The following RAB3GAP2 variants were observed in gnomAD, a reference collection of about 807,000 sequenced individuals.
The protein encoded by RAB3GAP2 is rab3 GTPase-activating protein non-catalytic subunit.
In RAB3GAP2, 87 loss-of-function variants were observed where a neutral mutation model predicts 185.3. The ratio of observed to expected loss-of-function variants is 0.47; its 90% confidence interval spans 0.39 to 0.56. The LOEUF (loss-of-function observed/expected upper bound fraction) is 0.56. RAB3GAP2 is among the 20% of genes least tolerant of loss of function. RAB3GAP2 has a pLI of 0.00. For synonymous variants in RAB3GAP2, 554 were observed against 576.1 expected (o/e 0.96, Z 0.55); for missense variants, 1,492 against 1,638.2 (o/e 0.91, Z 1.54).
chr1:220,175,363 C>T (rs560294411), intron 21 of RAB3GAP2, among the ~76,000 whole-genome samples: 1 of 151,966 alleles, frequency 6.6e-6, no homozygotes, highest in African/African-American at 2.4e-5. Context: ...GGACTACAGG[C>T]GCGAGCCACC....
At chr1:220,216,810 T>C (rs1571906081) in intron 2 of RAB3GAP2, among the ~76,000 whole-genome samples, 2 of 152,296 alleles carry the variant, frequency 1.3e-5, no homozygotes, top group East Asian at 3.9e-4. Context: ...TCTATACAAA[T>C]AGATTCCTTC....
chr1:220,178,187 C>T (rs745679088), intron 21 of RAB3GAP2, among the ~76,000 whole-genome samples: 10 of 152,048 alleles, frequency 6.6e-5, no homozygotes, highest in Admixed American at 2.0e-4. Context: ...AAATACTGTA[C>T]GTGGCAAAGT....
intron 32 of RAB3GAP2, chr1:220,153,685 T>C (rs984824792): frequency 4.7e-5 from 19 of 404,546 alleles, no homozygotes; most frequent in African/African-American, 8.1e-5. Flanking sequence ...ATGTGCCATG[T>C]TGGTGTGCTG....
At chr1:220,221,611 A>G (rs1659308500) in intron 2 of RAB3GAP2, among the ~76,000 whole-genome samples, 1 of 152,116 alleles carries the variant, frequency 6.6e-6, no homozygotes, top group South Asian at 2.1e-4. Context: ...AACTTCAAGA[A>G]TTTTTTTTGA....
At chr1:220,154,949 T>C (rs758280881) in intron 31 of RAB3GAP2, among the ~76,000 whole-genome samples, 1 of 152,160 alleles carries the variant, frequency 6.6e-6, no homozygotes, top group Admixed American at 6.5e-5. Flanking sequence ...GGTCTCAAAC[T>C]CCTGACCTCA....
intron 33 of RAB3GAP2, 60 bp downstream of exon 33, chr1:220,153,125 T>G (rs1657793116): frequency 7.7e-7 from 1 of 1,306,564 alleles, no homozygotes; most frequent in Non-Finnish European, 1.1e-6. Context: ...AACTGATTCT[T>G]TATTCCAACT....
chr1:220,272,346 G>A lies in RAB3GAP2; in HGVS notation c.-9C>T, dbSNP rs919461063. On this transcript the variant is annotated 5_prime_UTR_variant, in exon 1 of 35. Transcript: ENST00000358951. Reference sequence around the variant, plus strand: ...ACAATGGAGCAGGCCATGGCTCCAGGGAACCCCACTACGGCACTCACCTTA... The same window carrying A: ...ACAATGGAGCAGGCCATGGCTCCAGAGAACCCCACTACGGCACTCACCTTA... The A allele has an allele frequency of 6.3e-7, 1 of 1,593,602 alleles. No individual in the cohort carries two copies. The highest frequency in any genetic ancestry group is 1.1e-5 in the South Asian group (1 of 88,734).
intron 1 of RAB3GAP2, among the ~76,000 whole-genome samples, chr1:220,243,713 A>G (rs1161460147): frequency 6.6e-6 from 1 of 152,220 alleles, no homozygotes; most frequent in Non-Finnish European, 1.5e-5. Context: ...CTCTATTAGC[A>G]TAACACGTTA....
At chr1:220,200,365 T>A (rs998891841) in intron 9 of RAB3GAP2, among the ~76,000 whole-genome samples, 2 of 152,294 alleles carry the variant, frequency 1.3e-5, no homozygotes. Context: ...CACTAAGAGT[T>A]TGATATTCAT....
chr1:220,168,399 C>CT (rs746471692), intron 24 of RAB3GAP2, among the ~76,000 whole-genome samples: 1,697 of 138,996 alleles, frequency 0.012, 18 homozygotes, highest in East Asian at 0.032. Context: ...GTAAATATTC[C>CT]TTTTTTTTTT....
Position 220,171,979 on chromosome 1 carries a change from A to C in RAB3GAP2, c.2487T>G (p.Ile829Met). Residue 829 changes from isoleucine to methionine, a missense_variant, in exon 23 of 35, where the codon ATT becomes ATG. Ile to Met is a conservative substitution (Grantham distance 10, BLOSUM62 1). Transcript: ENST00000358951. The part of the protein sequence containing the change: ...PWWQQMRTAC[I>M]QSENNGAALL... ...GAGCGGCTCCATTGTTCTCAGACTG[A>C]ATACAGGCTGTGCGCATCTGCTGCC... 2 of 1,614,204 alleles carry C rather than the reference A, an allele frequency of 1.2e-6. No individual in the cohort carries two copies. Among genetic ancestry groups the C allele is most frequent in the Non-Finnish European group, 1.7e-6 (2 of 1,180,018 alleles).
Position 220,167,501 on chromosome 1 carries a change from C to G in RAB3GAP2, c.2980+1G>C, listed in dbSNP as rs1232674927. On this transcript the variant is annotated splice_donor_variant, in intron 25 of 34. Transcript: ENST00000358951. LOFTEE classifies it high-confidence loss of function. ...CATATTTCTCATTATTTGTGTATCA[C>G]CTGGTATGGCTCCTAAGTCCATCTC... 6.2e-7 allele frequency: 1 copy of G among 1,614,102 alleles called. No individual in the cohort carries two copies. The highest frequency in any genetic ancestry group is 8.5e-7 in the Non-Finnish European group (1 of 1,179,984).
rs1386541968 is a variant in RAB3GAP2, at chr1:220,272,430, T to C, written c.-93A>G. ...GGCCGCCACCGAGCCCCAATAGCTCTAGCCAAGCAGAAGGCGGAGAAACCA... is the reference window on the plus strand; with the variant it reads ...GGCCGCCACCGAGCCCCAATAGCTCCAGCCAAGCAGAAGGCGGAGAAACCA... On this transcript the variant is annotated 5_prime_UTR_variant, in exon 1 of 35. Transcript: ENST00000358951. 7.4e-6 allele frequency: 6 copies of C among 810,656 alleles called. No individual in the cohort carries two copies. Among genetic ancestry groups the C allele is most frequent in the Non-Finnish European group, 1.3e-5 (6 of 478,360 alleles). The allele number at this position is 810,656 out of a possible 1,614,324, so 50.2% of individuals were successfully genotyped here.
intron 1 of RAB3GAP2, among the ~76,000 whole-genome samples, chr1:220,268,912 T>A (rs1192826859): frequency 6.6e-6 from 1 of 152,230 alleles, no homozygotes; most frequent in East Asian, 1.9e-4. Flanking sequence ...CCACTTTGGC[T>A]ACTTAAATTT....
At chr1:220,159,177 T>C (rs1471391198) in intron 29 of RAB3GAP2, among the ~76,000 whole-genome samples, 2 of 152,226 alleles carry the variant, frequency 1.3e-5, no homozygotes, top group South Asian at 2.1e-4. Flanking sequence ...TAGTTTAATA[T>C]GCTATCTAAC....
At chr1:220,206,206 C>G (rs1658963187) in intron 7 of RAB3GAP2, among the ~76,000 whole-genome samples, 200 bp from the exon 8 acceptor site, 1 of 152,032 alleles carries the variant, frequency 6.6e-6, no homozygotes, top group African/African-American at 2.4e-5. Context: ...TCAAATATAA[C>G]CTTTTGTGTA....
At chr1:220,212,432 T>C (rs1477351859) in intron 4 of RAB3GAP2, among the ~76,000 whole-genome samples, 1 of 152,188 alleles carries the variant, frequency 6.6e-6, no homozygotes, top group Non-Finnish European at 1.5e-5. Context: ...CTACAACCTA[T>C]AAAGTTAGGA....
chr1:220,232,040 ATAC>A (rs1423573857), intron 2 of RAB3GAP2, among the ~76,000 whole-genome samples: 1 of 152,268 alleles, frequency 6.6e-6, no homozygotes, highest in East Asian at 1.9e-4. Flanking sequence ...ATGTGAAAAT[ATAC>A]TAACATATAT....
At chr1:220,234,743 G>T (rs1659561583) in intron 1 of RAB3GAP2, among the ~76,000 whole-genome samples, 1 of 152,124 alleles carries the variant, frequency 6.6e-6, no homozygotes, top group South Asian at 2.1e-4. Context: ...CTACTAATGG[G>T]AACTTGGATG....
Sources: gnomAD v4.1 joint callset for allele counts (sites outside exome capture counted in the v4.1 genomes callset) on GRCh38, gnomAD v4.1.1 for gene constraint, MANE v1.5 for transcripts, NCBI Gene and HGNC (gene_info 2026-07-23, HGNC 2026-07-21) for gene names.